CHST5: variants seen among roughly 807,000 people sequenced by gnomAD.
CHST5 encodes carbohydrate sulfotransferase 5.
For synonymous variants in CHST5, 313 were observed against 279.2 expected (o/e 1.12, Z -1.21); for missense variants, 637 against 602.1 (o/e 1.06, Z -0.61).
chr16:75,535,449 A>C (rs2738791), intron 1 of CHST5, among the ~76,000 whole-genome samples, 40 bp from the exon 2 acceptor site: 39,670 of 152,032 alleles, frequency 0.26, 5,325 homozygotes, highest in Middle Eastern at 0.33. Flanking sequence ...GATGTTGAGG[A>C]TGGGGGTGTC....
intron 1 of CHST5, among the ~76,000 whole-genome samples, 98 bp downstream of exon 1, chr16:75,535,946 G>A (rs2080558407): frequency 6.6e-6 from 1 of 152,194 alleles, no homozygotes; most frequent in Admixed American, 6.5e-5. Flanking sequence ...CTTAATCTTG[G>A]CCCTCCTCGC....
At chr16:75,532,562 G>C (rs982417173) in intron 3 of CHST5, among the ~76,000 whole-genome samples, 14 of 152,146 alleles carry the variant, frequency 9.2e-5, no homozygotes, top group African/African-American at 3.4e-4. Flanking sequence ...GGGGACAGGA[G>C]TGAGCGGAGG....
rs1333955704 is a variant in CHST5 at position 75,535,319 on chromosome 16, G to A, written c.-1544C>T. 1 of 152,360 alleles carries A rather than the reference G, an allele frequency of 6.6e-6. No individual in the cohort carries two copies. The highest frequency in any genetic ancestry group is 2.4e-5 in the African/African-American group (1 of 41,470). 9.4% of individuals were successfully genotyped at this position (152,360 alleles called of 1,614,324 possible). ...CCAAGACTATTAAGGGACACCCAGT[G>A]AGGCTGGGAAAGGGGCTCTAAGAGG... On this transcript the variant is annotated 5_prime_UTR_variant, in exon 2 of 4. Transcript: ENST00000336257.
Position 75,535,374 on chromosome 16 carries a change from C to G in CHST5, c.-1599G>C, listed in dbSNP as rs1179782795. 1 of 152,628 alleles carries G rather than the reference C, an allele frequency of 6.6e-6. No homozygotes were observed. Among genetic ancestry groups the G allele is most frequent in the Non-Finnish European group, 1.5e-5 (1 of 68,452 alleles). 9.5% of individuals were successfully genotyped at this position (152,628 alleles called of 1,614,324 possible). On this transcript the variant is annotated 5_prime_UTR_variant, in exon 2 of 4. Transcript: ENST00000336257. ...GACGAAGAGTCGGGGGTAACCAAGC[C>G]ACTGGAAGCTCCTGGAGACTCGAGG...
rs2550914 is a variant in CHST5, at chr16:75,531,054, G to C, written c.-670C>G. On this transcript the variant is annotated 5_prime_UTR_variant, in exon 4 of 4. Transcript: ENST00000336257. The stretch of plus-strand genomic sequence containing the variant: ...AAAACTTTTGTCAGCCAGGCGCGGT[G>C]GCTCACGCCTGTAATCCCAGCATTA... The C allele has an allele frequency of 3.0e-6, 3 of 1,000,818 alleles. No homozygotes were observed. Among genetic ancestry groups the C allele is most frequent in the African/African-American group, 1.7e-5 (1 of 57,172 alleles). 62.0% of individuals were successfully genotyped at this position (1,000,818 alleles called of 1,614,324 possible). A position where few individuals can be genotyped will look rare whatever the true frequency, so the allele number is the denominator to read the frequency against.
chr16:75,532,458 T>A (rs2017265), intron 3 of CHST5, among the ~76,000 whole-genome samples: 10,608 of 151,270 alleles, frequency 0.07, 1,255 homozygotes, highest in African/African-American at 0.24. Flanking sequence ...CCTTTGCTCC[T>A]TGCCTGCCCC....
chr16:75,530,101 G>T lies in CHST5; in HGVS notation c.284C>A (p.Ala95Glu). ...HPDVFYLMEP[A>E]WHVWTTLSQG... ...CGACAGGGTGGTCCACACATGCCAC[G>T]CGGGCTCCATCAGGTAGAAGACGTC... Residue 95 changes from alanine (A) to glutamate (E), a missense_variant, in exon 4 of 4, where the codon GCG becomes GAG. Ala to Glu is a moderately radical substitution (Grantham distance 107). Transcript: ENST00000336257. The T allele has an allele frequency of 6.2e-7, 1 of 1,613,442 alleles. No homozygotes were observed. Among genetic ancestry groups the T allele is most frequent in the Non-Finnish European group, 8.5e-7 (1 of 1,179,974 alleles).
chr16:75,529,263 C>G lies in CHST5; in HGVS notation c.1122G>C (p.Ala374=). 1 of 1,613,110 alleles carries G rather than the reference C, an allele frequency of 6.2e-7. No individual in the cohort carries two copies. The highest frequency in any genetic ancestry group is 8.5e-7 in the Non-Finnish European group (1 of 1,179,938). ...ILRVQEVCAG[A]LQLLGYRPVY... ...CAGGCCGGTAGCCCAGCAGCTGCAGCGCGCCGGCGCACACCTCCTGCACGC... is the reference window on the plus strand; with the variant it reads ...CAGGCCGGTAGCCCAGCAGCTGCAGGGCGCCGGCGCACACCTCCTGCACGC... Residue 374 remains alanine (A), a synonymous_variant, in exon 4 of 4, where the codon GCG becomes GCC. Transcript: ENST00000336257.
At chr16:75,532,760 C>G (rs574375101) in intron 3 of CHST5, among the ~76,000 whole-genome samples, 31 of 152,234 alleles carry the variant, frequency 2.0e-4, no homozygotes, top group Non-Finnish European at 3.7e-4. Context: ...AGGAAGGGAA[C>G]TCATATTTGC....
chr16:75,530,442 C>T lies in CHST5; in HGVS notation c.-58G>A, dbSNP rs1279607223. 3 of 1,465,296 alleles carry T rather than the reference C, an allele frequency of 2.0e-6. No homozygotes were observed. The highest frequency in any genetic ancestry group is 2.7e-6 in the Non-Finnish European group (3 of 1,107,002). 90.8% of individuals were successfully genotyped at this position (1,465,296 alleles called of 1,614,324 possible). A position where few individuals can be genotyped will look rare whatever the true frequency, so the allele number is the denominator to read the frequency against. On this transcript the variant is annotated 5_prime_UTR_variant, in exon 4 of 4. Transcript: ENST00000336257. Reference sequence around the variant, plus strand: ...GGATCAGCCCTCAGATTCGGCTACCCTACCCATTGGACTTCCCAAGACTCC... The same window carrying T: ...GGATCAGCCCTCAGATTCGGCTACCTTACCCATTGGACTTCCCAAGACTCC...
chr16:75,532,626 C>T (rs760349035), intron 3 of CHST5, among the ~76,000 whole-genome samples: 2 of 152,214 alleles, frequency 1.3e-5, no homozygotes, highest in African/African-American at 2.4e-5. Flanking sequence ...TGGATCCCCA[C>T]ACCCACTCCT....
In CHST5 at chr16:75,529,122, CG is replaced by C; in HGVS notation, c.*26del. On this transcript the variant is annotated 3_prime_UTR_variant, in exon 4 of 4. Coordinates refer to ENST00000336257, the MANE Select transcript of CHST5 (RefSeq NM_024533.5). ...CCTCCTGGGCCTGGCGACCACAGTT[CG>C]GGGCCTGCTCTAAGGCCCAGAGTTC... The C allele has an allele frequency of 1.3e-6, 2 of 1,533,156 alleles. No homozygotes were observed. The highest frequency in any genetic ancestry group is 1.4e-5 in the African/African-American group (1 of 72,864). The allele number at this position is 1,533,156 out of a possible 1,614,324, so 95.0% of individuals were successfully genotyped here. A position where few individuals can be genotyped will look rare whatever the true frequency, so the allele number is the denominator to read the frequency against.
chr16:75,530,662 ACTC>A lies in CHST5; in HGVS notation c.-281_-279del. On this transcript the variant is annotated 5_prime_UTR_variant, in exon 4 of 4. Transcript: ENST00000336257. Reference sequence around the variant, plus strand: ...AGAGAAATACTATGTTTCAAAGAGAACTCCTGTCTTTTGCTTCAGGATACCTCT... The same window carrying A: ...AGAGAAATACTATGTTTCAAAGAGAACTGTCTTTTGCTTCAGGATACCTCT... 44 of 1,278,100 alleles carry A rather than the reference ACTC, an allele frequency of 3.4e-5. No individual in the cohort carries two copies. The highest frequency in any genetic ancestry group is 4.4e-5 in the Non-Finnish European group (44 of 1,003,788). 79.2% of individuals were successfully genotyped at this position (1,278,100 alleles called of 1,614,324 possible).
At position 75,529,728 on chromosome 16, in the gene CHST5, G is replaced by C. The variant is rs561903180; in HGVS notation, c.657C>G (p.Ile219Met). 1.2e-6 allele frequency: 2 copies of C among 1,612,798 alleles called. No individual in the cohort carries two copies. Among genetic ancestry groups the C allele is most frequent in the African/African-American group, 2.7e-5 (2 of 75,014 alleles). ...CCCGCGGGTCGCGCACCAGGTGCAC[G>C]ATGCGCAGGTTGAGCGCGGGGTCGC... The part of the protein sequence containing the change: ...LLSDPALNLR[I>M]VHLVRDPRAV... The change falls in exon 4 of 4, where the codon ATC becomes ATG. Residue 219 changes from isoleucine (I) to methionine (M), a missense_variant. Transcript: ENST00000336257.
Position 75,529,819 on chromosome 16 carries a change from G to A in CHST5, c.566C>T (p.Ser189Phe). The A allele has an allele frequency of 6.2e-7, 1 of 1,613,760 alleles. No homozygotes were observed. Among genetic ancestry groups the A allele is most frequent in the Non-Finnish European group, 8.5e-7 (1 of 1,179,918 alleles). ...PFSLAREACR[S>F]YSHVVLKEVR... is the part of the protein sequence containing the mutation. The stretch of plus-strand genomic sequence containing the variant: ...CTCCTTGAGCACCACGTGGCTGTAG[G>A]AGCGGCAGGCCTCCCGGGCCAGGCT... The change falls in exon 4 of 4, where the codon TCC becomes TTC. Residue 189 changes from serine (S) to phenylalanine (F), a missense_variant. Physicochemically the swap from Ser to Phe is radical, Grantham distance 155. Transcript: ENST00000336257.
Position 75,529,778 on chromosome 16 carries a change from G to A in CHST5, c.607C>T (p.Leu203=), listed in dbSNP as rs1182844599. 1.9e-6 allele frequency: 3 copies of A among 1,613,672 alleles called. No individual in the cohort carries two copies. The highest frequency in any genetic ancestry group is 2.2e-5 in the South Asian group (2 of 91,094). The stretch of plus-strand genomic sequence containing the variant: ...CTGAGCAGCGGGTAGAGCACCTGCA[G>A]GTTGAAGAAGCGCACCTCCTTGAGC... The part of the protein sequence containing the change: ...VVLKEVRFFN[L]QVLYPLLSDP... Residue 203 remains leucine, a synonymous_variant, in exon 4 of 4, where the codon CTG becomes TTG. Transcript: ENST00000336257.
chr16:75,535,670 G>A (rs911749208), intron 1 of CHST5, among the ~76,000 whole-genome samples: 1 of 152,160 alleles, frequency 6.6e-6, no homozygotes, highest in Non-Finnish European at 1.5e-5. Context: ...GAAGGAGCAG[G>A]TTTTGCCCCC....
chr16:75,530,650 G>A lies in CHST5; in HGVS notation c.-266C>T. 3 of 1,316,764 alleles carry A rather than the reference G, an allele frequency of 2.3e-6. No individual in the cohort carries two copies. The highest frequency in any genetic ancestry group is 1.9e-6 in the Non-Finnish European group (2 of 1,026,974). The allele number at this position is 1,316,764 out of a possible 1,614,324, so 81.6% of individuals were successfully genotyped here. ...ATCTATCTGTAGAGAGAAATACTAT[G>A]TTTCAAAGAGAACTCCTGTCTTTTG... On this transcript the variant is annotated 5_prime_UTR_variant, in exon 4 of 4. Transcript: ENST00000336257.
rs759781405 is a variant in CHST5 at position 75,530,078 on chromosome 16, A to G, written c.307T>C (p.Ser103Pro). Residue 103 changes from serine to proline, a missense_variant, in exon 4 of 4, where the codon TCG (serine) becomes CCG (proline). By Grantham distance (74) the Ser-to-Pro change is moderately conservative. Coordinates refer to ENST00000336257, the MANE Select transcript of CHST5 (RefSeq NM_024533.5). ...EPAWHVWTTL[S>P]QGSAATLHMA... ...TGCAGCGTTGCCGCGCTGCCCTGCG[A>G]CAGGGTGGTCCACACATGCCACGCG... 6.2e-7 allele frequency: 1 copy of G among 1,613,396 alleles called. No individual in the cohort carries two copies. The highest frequency in any genetic ancestry group is 8.5e-7 in the Non-Finnish European group (1 of 1,179,954).
Sources: allele counts gnomAD v4.1 joint callset (sites outside exome capture counted in the v4.1 genomes callset), GRCh38; gene constraint gnomAD v4.1.1; transcripts MANE v1.5; gene names NCBI Gene and HGNC (gene_info 2026-07-23, HGNC 2026-07-21).